The following FHIT variants were observed in gnomAD, a reference collection of about 807,000 sequenced individuals.
The protein encoded by FHIT is fragile histidine triad diadenosine triphosphatase, also known as bis(5'-adenosyl)-triphosphatase.
FHIT carries 19 observed loss-of-function variants against 17.9 expected under a neutral mutation model. The ratio of observed to expected loss-of-function variants is 1.06; its 90% CI spans 0.74 to 1.56. FHIT has a LOEUF of 1.56. FHIT is among the 40% of genes most tolerant of loss of function. The pLI, the probability that FHIT is intolerant of heterozygous loss-of-function variation, is 0.00. For synonymous variants in FHIT, 81 were observed against 69.7 expected, an observed-to-expected ratio of 1.16 and a Z score of -0.81; for missense variants, 248 against 189.2, an observed-to-expected ratio of 1.31 and a Z score of -1.82.
intron 5 of FHIT, among the ~76,000 whole-genome samples, chr3:60,194,904 A>T (rs1281522413): frequency 2.0e-5 from 3 of 152,142 alleles, no homozygotes; most frequent in African/African-American, 4.8e-5. Flanking sequence ...GGTGGCTCAC[A>T]CCTGTAATCC....
At chr3:60,291,843 G>A (rs1047353813) in intron 5 of FHIT, among the ~76,000 whole-genome samples, 4 of 152,128 alleles carry the variant, frequency 2.6e-5, no homozygotes, top group African/African-American at 7.2e-5. Context: ...ATTGGAGCCA[G>A]AGTGCCACAG....
rs568014824 is a variant in FHIT at position 60,963,221 on chromosome 3, G to C, written c.-111+78826C>G. On this transcript the variant is annotated intron_variant, in intron 3 of 9. Transcript: ENST00000492590. ...GATTTTCTAGTTTATTTGCATAGAGGTGTTTATAGTATTCTCTGGTGGTAG... is the reference window on the plus strand; with the variant it reads ...GATTTTCTAGTTTATTTGCATAGAGCTGTTTATAGTATTCTCTGGTGGTAG... Among the ~76,000 whole-genome samples, 3 of 152,130 alleles carry C rather than the reference G, an allele frequency of 2.0e-5. 1 individual carries two copies. Among genetic ancestry groups the C allele is most frequent in the Non-Finnish European group, 4.4e-5 (3 of 68,016 alleles).
intron 5 of FHIT, among the ~76,000 whole-genome samples, chr3:60,174,486 T>C (rs1042339065): frequency 4.6e-5 from 7 of 152,312 alleles, no homozygotes; most frequent in Middle Eastern, 3.4e-3. Context: ...ATTAACACTG[T>C]TGGCCTTTCT....
intron 4 of FHIT, among the ~76,000 whole-genome samples, chr3:60,709,663 A>T (rs2107930669): frequency 6.6e-6 from 1 of 152,326 alleles, no homozygotes; most frequent in African/African-American, 2.4e-5. Context: ...TCATTGCATG[A>T]TATAAAAAAG....
intron 3 of FHIT, among the ~76,000 whole-genome samples, chr3:60,963,622 A>G (rs1412730476): frequency 3.9e-5 from 6 of 152,112 alleles, no homozygotes; most frequent in African/African-American, 1.4e-4. Flanking sequence ...AGATTCTGGT[A>G]TGTTGTGTCT....
At chr3:61,238,808 C>T (rs2040295211) in intron 1 of FHIT, among the ~76,000 whole-genome samples, 1 of 152,210 alleles carries the variant, frequency 6.6e-6, no homozygotes, top group African/African-American at 2.4e-5. Context: ...AACTGTCAGT[C>T]CCTTTCATTG....
At chr3:61,072,671 C>T (rs1189964361) in intron 2 of FHIT, among the ~76,000 whole-genome samples, 2 of 151,992 alleles carry the variant, frequency 1.3e-5, no homozygotes, top group East Asian at 3.9e-4. Context: ...TGGCATGGCC[C>T]TATTTTTTTT....
At chr3:60,416,052 C>CT (rs1702238872) in intron 5 of FHIT, among the ~76,000 whole-genome samples, 1 of 151,288 alleles carries the variant, frequency 6.6e-6, no homozygotes. Flanking sequence ...TAAATTATTA[C>CT]TTTTAAGAGG....
intron 5 of FHIT, among the ~76,000 whole-genome samples, chr3:60,264,303 G>C (rs1325124755): frequency 6.6e-6 from 1 of 151,968 alleles, no homozygotes; most frequent in Non-Finnish European, 1.5e-5. Flanking sequence ...ACAGATTCAA[G>C]TCATAAAAGG....
intron 2 of FHIT, among the ~76,000 whole-genome samples, chr3:61,161,289 AC>A (rs908573241): frequency 7.3e-5 from 11 of 151,014 alleles, no homozygotes; most frequent in African/African-American, 2.7e-4. Context: ...TGCAACCTCC[AC>A]CTCCAGATCC....
At chr3:60,754,429 T>A (rs1263651351) in intron 4 of FHIT, among the ~76,000 whole-genome samples, 3 of 152,160 alleles carry the variant, frequency 2.0e-5, no homozygotes, top group African/African-American at 4.8e-5. Context: ...GTGACAGAAG[T>A]CATACTCTTA....
At chr3:59,855,712 A>G (rs1042439468) in intron 8 of FHIT, among the ~76,000 whole-genome samples, 1 of 152,170 alleles carries the variant, frequency 6.6e-6, no homozygotes, top group African/African-American at 2.4e-5. Context: ...AAATAGAAAA[A>G]TATTTTCTAG....
At chr3:60,173,357 CA>C (rs1701504254) in intron 5 of FHIT, among the ~76,000 whole-genome samples, 3 of 152,118 alleles carry the variant, frequency 2.0e-5, no homozygotes, top group African/African-American at 7.2e-5. Context: ...TGTGGTAGTG[CA>C]GTTTTCTGAG....
intron 4 of FHIT, among the ~76,000 whole-genome samples, chr3:60,691,634 G>T (rs1459196819): frequency 6.6e-6 from 1 of 152,130 alleles, no homozygotes; most frequent in Non-Finnish European, 1.5e-5. Context: ...CCAAAGTGCT[G>T]AGATTACAGG....
intron 1 of FHIT, among the ~76,000 whole-genome samples, chr3:61,231,349 C>G (rs2040095747): frequency 6.6e-6 from 1 of 151,996 alleles, no homozygotes; most frequent in Non-Finnish European, 1.5e-5. Context: ...AAAAAAATTG[C>G]TAGGTGTGGT....
At chr3:60,840,051 T>C (rs185062333) in intron 3 of FHIT, among the ~76,000 whole-genome samples, 3 of 152,260 alleles carry the variant, frequency 2.0e-5, no homozygotes, top group Non-Finnish European at 4.4e-5. Context: ...AGGAGCTCTC[T>C]AGCACTCAGT....
intron 5 of FHIT, among the ~76,000 whole-genome samples, chr3:60,027,836 G>A (rs1041376668): frequency 1.3e-5 from 2 of 152,074 alleles, no homozygotes; most frequent in African/African-American, 4.8e-5. Context: ...CTATAGAGCA[G>A]TGCTGTCTAG....
chr3:60,408,998 G>C (rs1321502052), intron 5 of FHIT, among the ~76,000 whole-genome samples: 1 of 152,022 alleles, frequency 6.6e-6, no homozygotes, highest in African/African-American at 2.4e-5. Flanking sequence ...CAGACTCGGG[G>C]GCTCAAACGC....
At chr3:61,079,677 C>T (rs868595084) in intron 2 of FHIT, among the ~76,000 whole-genome samples, 1 of 152,100 alleles carries the variant, frequency 6.6e-6, no homozygotes, top group Non-Finnish European at 1.5e-5. Flanking sequence ...TGCGTGTGCA[C>T]ACACACACAT....
Sources: allele counts gnomAD v4.1 joint callset (sites outside exome capture counted in the v4.1 genomes callset), GRCh38; gene constraint gnomAD v4.1.1; transcripts MANE v1.5; gene names NCBI Gene and HGNC (gene_info 2026-07-23, HGNC 2026-07-21).